The following MED23 variants were observed in gnomAD, a reference collection of about 807,000 sequenced individuals.
The protein encoded by MED23 is mediator complex subunit 23.
MED23 carries 105 observed loss-of-function variants against 163.9 expected under a neutral mutation model. The ratio of observed to expected loss-of-function variants is 0.64; its 90% confidence interval spans 0.55 to 0.75. The LOEUF (loss-of-function observed/expected upper bound fraction) is 0.75. Among genes scored for constraint, MED23 ranks in the 30% least tolerant of loss-of-function variants. The pLI is 0.00. For synonymous variants in MED23, 561 were observed against 565.6 expected, an observed-to-expected ratio of 0.99 and a Z score of 0.12; for missense variants, 1,054 against 1,649.0, an observed-to-expected ratio of 0.64 and a Z score of 6.25.
intron 10 of MED23, among the ~76,000 whole-genome samples, chr6:131,610,615 G>T (rs991599812): frequency 3.9e-5 from 6 of 152,120 alleles, no homozygotes; most frequent in Non-Finnish European, 8.8e-5. Flanking sequence ...TATTAATTTT[G>T]CAATCTAAGT....
chr6:131,602,508 T>A, intron 16 of MED23, 127 bp from the exon 17 acceptor site: 1 of 811,040 alleles, frequency 1.2e-6, no homozygotes, highest in Non-Finnish European at 1.9e-6. Context: ...CACTTTTGTG[T>A]GAGAATAAAT....
chr6:131,598,559 T>C lies in MED23; in HGVS notation c.2423A>G (p.Tyr808Cys). 1 of 1,614,082 alleles carries C rather than the reference T, an allele frequency of 6.2e-7. No individual in the cohort carries two copies. Among genetic ancestry groups the C allele is most frequent in the Non-Finnish European group, 8.5e-7 (1 of 1,180,004 alleles). ...GCAAATTAGGTTTTTGACTTACCTA[T>C]AGCCAATCTGATTAATATGATCTGT... ...LETDHINQIG[Y>C]RVLERIGARA... is the part of the protein sequence containing the mutation. Residue 808 changes from tyrosine (Y) to cysteine (C), a missense_variant, in exon 19 of 29, where the codon TAT becomes TGT. By Grantham distance (194) the Tyr-to-Cys change is radical (BLOSUM62 -2). Around this residue, in one of 11 missense-constraint regions of MED23, gnomAD observed 228 missense variants for 461.3 expected, o/e 0.49. Coordinates refer to ENST00000368068, the MANE Select transcript of MED23 (RefSeq NM_004830.4). The surrounding 1 kb of genome is among the most constrained non-coding windows in gnomAD (Gnocchi z 4.7).
chr6:131,618,303 T>C, intron 9 of MED23, 104 bp downstream of exon 9: 1 of 783,600 alleles, frequency 1.3e-6, no homozygotes. Flanking sequence ...CATTAAATAT[T>C]TACTTCTTCA....
chr6:131,624,252 G>C (rs1306397962), intron 4 of MED23, among the ~76,000 whole-genome samples: 1 of 152,148 alleles, frequency 6.6e-6, no homozygotes, highest in Non-Finnish European at 1.5e-5. Flanking sequence ...TGGCCAAAAG[G>C]ATGCAGTATG....
chr6:131,605,767 T>C (rs1775809967), intron 13 of MED23, among the ~76,000 whole-genome samples: 1 of 152,188 alleles, frequency 6.6e-6, no homozygotes, highest in Non-Finnish European at 1.5e-5. Context: ...AATGAAGAAA[T>C]AACTCACAAG....
intron 4 of MED23, among the ~76,000 whole-genome samples, chr6:131,624,526 G>A (rs191308408): frequency 6.6e-6 from 1 of 152,288 alleles, no homozygotes; most frequent in Admixed American, 6.5e-5. Flanking sequence ...CCTAAGCCGA[G>A]TCAACCACTA....
chr6:131,614,553 T>G (rs1403355715), intron 10 of MED23, among the ~76,000 whole-genome samples: 1 of 152,136 alleles, frequency 6.6e-6, no homozygotes, highest in Non-Finnish European at 1.5e-5. Context: ...CTTGGGACTG[T>G]TAAGAGTTTG....
intron 7 of MED23, among the ~76,000 whole-genome samples, 169 bp from the exon 8 acceptor site, chr6:131,620,065 C>T (rs951823470): frequency 7.2e-5 from 11 of 152,098 alleles, no homozygotes; most frequent in African/African-American, 1.4e-4. Flanking sequence ...AAAAATCACT[C>T]GCCAGTTCAT....
At position 131,596,172 on chromosome 6, in the gene MED23, T is replaced by A; in HGVS notation, c.2779-9A>T. On this transcript the variant is annotated splice_polypyrimidine_tract_variant and intron_variant, in intron 21 of 28. Transcript: ENST00000368068. Reference sequence around the variant, plus strand: ...AACTTCTCTGGATATTTCTGTGGAATTGAGAAGATGATAAATGGTTAGAGC... The same window carrying A: ...AACTTCTCTGGATATTTCTGTGGAAATGAGAAGATGATAAATGGTTAGAGC... 1 of 1,611,090 alleles carries A rather than the reference T, an allele frequency of 6.2e-7. No individual in the cohort carries two copies. The highest frequency in any genetic ancestry group is 8.5e-7 in the Non-Finnish European group (1 of 1,177,272).
chr6:131,627,778 C>T, intron 1 of MED23, 106 bp from the exon 2 acceptor site: 1 of 1,143,926 alleles, frequency 8.7e-7, no homozygotes, highest in South Asian at 1.3e-5. Flanking sequence ...TTAATCAGCT[C>T]TGAAACTATC....
At chr6:131,579,374 GA>G (rs1411733998) in intron 30 of MED23, 13 of 1,433,696 alleles carry the variant, frequency 9.1e-6, no homozygotes, top group East Asian at 4.8e-5. Context: ...AATATAGACA[GA>G]AAAGCATTGA....
At chr6:131,574,149 A>C in exon 31 of MED23, 2 of 1,002,868 alleles carry the variant, frequency 2.0e-6, no homozygotes, top group Non-Finnish European at 3.2e-6. Context: ...TCTGTGCTTA[A>C]AGAGGATAAA....
At chr6:131,590,532 A>G in intron 26 of MED23, 90 bp from the exon 27 acceptor site, 1 of 853,264 alleles carries the variant, frequency 1.2e-6, no homozygotes, top group Non-Finnish European at 1.8e-6. Context: ...GTATTACAAT[A>G]AAATATAATT....
At chr6:131,622,196 C>T (rs186497254) in intron 5 of MED23, among the ~76,000 whole-genome samples, 1 of 152,236 alleles carries the variant, frequency 6.6e-6, no homozygotes, top group African/African-American at 2.4e-5. Flanking sequence ...CAAAGAAAGT[C>T]ATTATACAGT....
intron 22 of MED23, among the ~76,000 whole-genome samples, chr6:131,595,479 T>C (rs536172472): frequency 1.1e-4 from 17 of 152,382 alleles, no homozygotes; most frequent in Non-Finnish European, 2.1e-4. Flanking sequence ...AAAATCAGCC[T>C]AGCATTCAAG....
At position 131,598,737 on chromosome 6, in the gene MED23, G is replaced by A. The variant is rs1775253440; in HGVS notation, c.2245C>T (p.Pro749Ser). The A allele has an allele frequency of 1.9e-6, 3 of 1,613,894 alleles. No homozygotes were observed. The highest frequency in any genetic ancestry group is 2.5e-6 in the Non-Finnish European group (3 of 1,179,966). The change falls in exon 19 of 29, where the codon CCT (proline) becomes TCT (serine). Residue 749 changes from proline (P) to serine (S), a missense_variant. Coordinates refer to ENST00000368068, the MANE Select transcript of MED23 (RefSeq NM_004830.4). The surrounding 1 kb of genome is among the most constrained non-coding windows in gnomAD (Gnocchi z 4.7). Reference protein sequence around the residue: ...LQAFFKQNNVPQESRFNLKKN... With the variant: ...LQAFFKQNNVSQESRFNLKKN... ...TTCAGATTAAAACGGCTTTCCTGAG[G>A]CACATTATTTTGTTTGAAGAATGCC...
At chr6:131,575,451 T>C (rs979701673) in intron 30 of MED23, among the ~76,000 whole-genome samples, 39 of 152,048 alleles carry the variant, frequency 2.6e-4, no homozygotes, top group Non-Finnish European at 3.8e-4. Context: ...GAGGCAGGTG[T>C]GTCAAGCAAA....
chr6:131,616,471 A>G (rs1438801897), intron 9 of MED23, among the ~76,000 whole-genome samples: 1 of 152,200 alleles, frequency 6.6e-6, no homozygotes, highest in Non-Finnish European at 1.5e-5. Context: ...ATTTTCTAGA[A>G]GTCTTTCTAG....
chr6:131,609,746 G>GTATATA (rs371814268), intron 11 of MED23, among the ~76,000 whole-genome samples: 19 of 139,970 alleles, frequency 1.4e-4, no homozygotes, highest in African/African-American at 3.3e-4. Context: ...ATATATATAT[G>GTATATA]TATATATATA....
Sources: allele counts gnomAD v4.1 joint callset (sites outside exome capture counted in the v4.1 genomes callset), GRCh38; gene constraint gnomAD v4.1.1; regional missense constraint gnomAD v4.1.1; non-coding constraint Gnocchi (gnomAD v3.1); transcripts MANE v1.5; gene names NCBI Gene and HGNC (gene_info 2026-07-23, HGNC 2026-07-21).